The following PPP2R3B variants were observed in gnomAD, a reference collection of about 807,000 sequenced individuals.
PPP2R3B encodes protein phosphatase 2 regulatory subunit B''beta.
A neutral mutation model predicts 72.9 loss-of-function variants in PPP2R3B; 68 were observed. The ratio of observed to expected loss-of-function variants is 0.93; its 90% CI spans 0.77 to 1.14. PPP2R3B has a LOEUF of 1.14. PPP2R3B is among the 50% of genes most tolerant of loss of function. The pLI is 0.00. For missense variants in PPP2R3B, 1,018 were observed against 842.0 expected, an observed-to-expected ratio of 1.21 and a Z score of -2.59; for synonymous variants, 466 against 375.8, an observed-to-expected ratio of 1.24 and a Z score of -2.78.
chrX:340,995 CTGCAGCCCCTGA>C lies in PPP2R3B; in HGVS notation c.1176-67_1176-56del, dbSNP rs956735725. On this transcript the variant is annotated intron_variant, in intron 9 of 12. Coordinates refer to ENST00000390665, the MANE Select transcript of PPP2R3B (RefSeq NM_013239.5). The stretch of plus-strand genomic sequence containing the variant: ...GCCCTGGGCCCTCCCAGCCCGTGAC[CTGCAGCCCCTGA>C]GGCAGCCCCCACCGGGGGTGCACGC... 47 of 1,572,666 alleles carry C rather than the reference CTGCAGCCCCTGA, an allele frequency of 3.0e-5. 1 individual carries two copies. Among genetic ancestry groups the C allele is most frequent in the South Asian group, 2.3e-4 (20 of 86,154 alleles).
At chrX:370,742 TTTGG>T (rs1262252087) in intron 1 of PPP2R3B, among the ~76,000 whole-genome samples, 16 of 152,036 alleles carry the variant, frequency 1.1e-4, no homozygotes, top group Non-Finnish European at 2.4e-4. Flanking sequence ...CTGCAAGGGT[TTTGG>T]TGACCACTGG....
At chrX:379,787 G>A (rs1259757798) in intron 1 of PPP2R3B, among the ~76,000 whole-genome samples, 1 of 152,214 alleles carries the variant, frequency 6.6e-6, no homozygotes, top group East Asian at 1.9e-4. Context: ...CAGATTCAAA[G>A]CAATCCCAAT....
At chrX:363,471 G>A (rs2071596005) in intron 1 of PPP2R3B, among the ~76,000 whole-genome samples, 1 of 149,784 alleles carries the variant, frequency 6.7e-6, no homozygotes, top group Admixed American at 6.6e-5. Flanking sequence ...ATCCCACAAT[G>A]CATCTCCCCG....
intron 1 of PPP2R3B, among the ~76,000 whole-genome samples, chrX:380,385 C>G (rs1278057184): frequency 1.3e-5 from 2 of 152,160 alleles, no homozygotes; most frequent in Non-Finnish European, 2.9e-5. Context: ...ATTTAAAAAG[C>G]AAACACACGA....
intron 7 of PPP2R3B, among the ~76,000 whole-genome samples, chrX:344,038 G>A (rs1309299701): frequency 1.7e-5 from 2 of 117,932 alleles, no homozygotes; most frequent in African/African-American, 3.2e-5. Flanking sequence ...GGGAGACGTC[G>A]CCAACGGGAG....
chrX:383,837 C>G (rs868260784), intron 1 of PPP2R3B, among the ~76,000 whole-genome samples: 4 of 45,620 alleles, frequency 8.8e-5, no homozygotes, highest in Non-Finnish European at 1.7e-4. Flanking sequence ...GACTCCGTCT[C>G]AAAAAAAAAA....
In PPP2R3B at chrX:334,313, G is replaced by A. The variant is rs1443427660; in HGVS notation, c.*54C>T. The stretch of plus-strand genomic sequence containing the variant: ...AACAGTTTTTACACGAGCCGCGGTG[G>A]CCCGGTGGTGGCACGTGGGGAGCGG... On this transcript the variant is annotated 3_prime_UTR_variant, in exon 13 of 13. Transcript: ENST00000390665. 18 of 1,427,366 alleles carry A rather than the reference G, an allele frequency of 1.3e-5. No homozygotes were observed. Among genetic ancestry groups the A allele is most frequent in the Non-Finnish European group, 1.6e-5 (18 of 1,094,622 alleles). The allele number at this position is 1,427,366 out of a possible 1,614,324, so 88.4% of individuals were successfully genotyped here. A position where few individuals can be genotyped will look rare whatever the true frequency, so the allele number is the denominator to read the frequency against.
intron 2 of PPP2R3B, among the ~76,000 whole-genome samples, chrX:353,433 G>A (rs1324902933): frequency 2.6e-5 from 4 of 152,014 alleles, no homozygotes; most frequent in Non-Finnish European, 5.9e-5. Context: ...AATTCATGCT[G>A]TCATTAAAAA....
intron 2 of PPP2R3B, among the ~76,000 whole-genome samples, chrX:360,987 T>G (rs943708768): frequency 5.3e-5 from 8 of 152,060 alleles, no homozygotes; most frequent in African/African-American, 1.9e-4. Flanking sequence ...GGTCCACAGC[T>G]GCCCAGCCTG....
chrX:361,873 C>A (rs1012580698), intron 1 of PPP2R3B, among the ~76,000 whole-genome samples: 22 of 152,190 alleles, frequency 1.4e-4, no homozygotes, highest in African/African-American at 5.1e-4. Context: ...GGGACAAGGG[C>A]AGCTACGTGC....
chrX:334,772 A>G, intron 12 of PPP2R3B: 1 of 423,898 alleles, frequency 2.4e-6, no homozygotes, highest in Non-Finnish European at 4.1e-6. Context: ...CGTGAGCTAC[A>G]CACAGAGGAC....
At position 342,308 on chromosome X, in the gene PPP2R3B, CA is replaced by C. The variant is rs2071098862; in HGVS notation, c.1037-378del. 1.6e-5 allele frequency: 5 copies of C among 311,528 alleles called. No homozygotes were observed. In the East Asian group the frequency reaches 2.3e-4, roughly 14 times the overall value. The allele number at this position is 311,528 out of a possible 1,614,324, so 19.3% of individuals were successfully genotyped here. ...CCAACGGGAGACGGGAGTGAGACCT[CA>C]GCAACGGGAGGCGGGAGTGAGACCT... On this transcript the variant is annotated intron_variant, in intron 7 of 12. Coordinates refer to ENST00000390665, the MANE Select transcript of PPP2R3B (RefSeq NM_013239.5).
intron 1 of PPP2R3B, among the ~76,000 whole-genome samples, chrX:378,448 AC>A (rs1396962134): frequency 3.3e-5 from 5 of 152,194 alleles, no homozygotes. Context: ...TACGAAGGCG[AC>A]CTGCCCTTTG....
rs540926417 is a variant in PPP2R3B, at chrX:371,110, G to A, written c.325-9520C>T. 2.6e-3 allele frequency among the ~76,000 whole-genome samples: 393 copies of A among 152,200 alleles called. 3 individuals are homozygous for A. The highest frequency in any genetic ancestry group is 8.9e-3 in the African/African-American group (369 of 41,528). On this transcript the variant is annotated intron_variant, in intron 1 of 12. Transcript: ENST00000390665. The stretch of plus-strand genomic sequence containing the variant: ...GGTCTGAGCTGTCCTGCTGTTGCCC[G>A]GGGACAGAAGGCCCGAGAATCCCTG...
intron 1 of PPP2R3B, among the ~76,000 whole-genome samples, chrX:385,108 A>C (rs2072216807): frequency 6.6e-6 from 1 of 151,776 alleles, no homozygotes; most frequent in Non-Finnish European, 1.5e-5. Flanking sequence ...TAGGGGGCCT[A>C]ACCATAATGC....
chrX:383,861 A>C (rs1324658217), intron 1 of PPP2R3B, among the ~76,000 whole-genome samples: 1 of 149,164 alleles, frequency 6.7e-6, no homozygotes, highest in Non-Finnish European at 1.5e-5. Flanking sequence ...AAAAAAAAAA[A>C]AAAAAACCAA....
intron 12 of PPP2R3B, chrX:336,060 C>T (rs1472922979): frequency 3.9e-5 from 6 of 152,122 alleles, no homozygotes; most frequent in Non-Finnish European, 8.8e-5. Context: ...CCCAGCTACT[C>T]GGGGGGCTCA....
At chrX:363,431 G>GATCCCACAATGCATCTCCCCGAGCCCACC (rs2071593683) in intron 1 of PPP2R3B, among the ~76,000 whole-genome samples, 1 of 122,934 alleles carries the variant, frequency 8.1e-6, no homozygotes, top group Non-Finnish European at 1.7e-5. Context: ...CCGAGCCCGC[G>GATCCCACAATGCATCTCCCCGAGCCCACC]ATCCCACAAT....
chrX:364,408 G>A (rs1407973114), intron 1 of PPP2R3B, among the ~76,000 whole-genome samples: 1 of 151,130 alleles, frequency 6.6e-6, no homozygotes, highest in Non-Finnish European at 1.5e-5. Context: ...GCTCGTGCCT[G>A]CAATCCTGGC....
Sources: allele counts gnomAD v4.1 joint callset (sites outside exome capture counted in the v4.1 genomes callset), GRCh38; gene constraint gnomAD v4.1.1; transcripts MANE v1.5; gene names NCBI Gene and HGNC (gene_info 2026-07-23, HGNC 2026-07-21).